Variants in GALK1 observed in about 807,000 individuals in gnomAD.
GALK1 encodes the protein galactokinase.
Under a neutral mutation model 38.6 loss-of-function variants are expected in GALK1, and 30 were observed. That is an observed-to-expected ratio of 0.78 (90% CI 0.58 to 1.05). The LOEUF (loss-of-function observed/expected upper bound fraction) is 1.05. Among genes scored for constraint, GALK1 ranks in the 50% least tolerant of loss-of-function variants. The probability of loss-of-function intolerance (pLI) is 0.00; values close to 1 mark genes in which losing one functional copy is unlikely to be tolerated. For synonymous variants in GALK1, 240 were observed against 233.6 expected (o/e 1.03, Z -0.25); for missense variants, 512 against 540.5 (o/e 0.95, Z 0.52).
At chr17:75,764,746 C>T (rs1276196120) in intron 1 of GALK1, 1 of 628,200 alleles carries the variant, frequency 1.6e-6, no homozygotes, top group Non-Finnish European at 2.8e-6. Flanking sequence ...CGGGCTTGAG[C>T]CAAGAGGCGG....
At chr17:75,753,886 C>G (rs1376446657), downstream of GALK1, 2 of 1,316,430 alleles carry the variant, frequency 1.5e-6, no homozygotes, top group South Asian at 2.3e-5. Context: ...CCTCCGACGC[C>G]GAGGCGCCCC....
At position 75,764,043 on chromosome 17, in the gene GALK1, T is replaced by C; in HGVS notation, c.209A>G (p.Asp70Gly). 6.3e-7 allele frequency: 1 copy of C among 1,599,942 alleles called. No homozygotes were observed. Among genetic ancestry groups the C allele is most frequent in the Non-Finnish European group, 8.5e-7 (1 of 1,175,042 alleles). The stretch of plus-strand genomic sequence containing the variant: ...GGTGGTGAGGAGAGACACCAGCCCA[T>C]CCTTGCGGGGGCTGCCCACCAGCAC... ...MTVLVGSPRK[D>G]GLVSLLTTSE... is the part of the protein sequence containing the mutation. Residue 70 changes from aspartate to glycine, a missense_variant, in exon 2 of 8, where the codon GAT becomes GGT. By Grantham distance (94) the Asp-to-Gly change is moderately conservative. Transcript: ENST00000588479.
In GALK1 at chr17:75,765,188, G is replaced by T; in HGVS notation, c.-52C>A. On this transcript the variant is annotated 5_prime_UTR_variant, in exon 1 of 8. Coordinates refer to ENST00000588479, the MANE Select transcript of GALK1 (RefSeq NM_000154.2). Reference sequence around the variant, plus strand: ...TGCTCCGGCACAGCCCCGTCGGCGCGGGATGCTCGGGCGGGGCCCCGCGCG... The same window carrying T: ...TGCTCCGGCACAGCCCCGTCGGCGCTGGATGCTCGGGCGGGGCCCCGCGCG... 2.2e-6 allele frequency: 3 copies of T among 1,374,560 alleles called. No homozygotes were observed. The highest frequency in any genetic ancestry group is 2.8e-6 in the Non-Finnish European group (3 of 1,069,604). The allele number at this position is 1,374,560 out of a possible 1,614,324, so 85.1% of individuals were successfully genotyped here.
downstream of GALK1, chr17:75,757,534 C>T (rs1268728912): frequency 2.5e-6 from 4 of 1,613,350 alleles, no homozygotes; most frequent in South Asian, 4.4e-5. Context: ...CCCACATGGA[C>T]CAACAGTTCT....
At chr17:75,754,091 C>T (rs1215522885), downstream of GALK1, 1 of 464,696 alleles carries the variant, frequency 2.2e-6, no homozygotes, top group Non-Finnish European at 3.6e-6. Context: ...AGGCCCGGGC[C>T]TTGGCGGCTG....
chr17:75,754,697 C>T (rs781085072), downstream of GALK1: 34 of 1,614,036 alleles, frequency 2.1e-5, no homozygotes, highest in Middle Eastern at 1.6e-4. Flanking sequence ...TGCCCCACCG[C>T]GTGCTAAGCA....
downstream of GALK1, chr17:75,756,911 C>T (rs1244823946): frequency 1.9e-6 from 3 of 1,612,140 alleles, no homozygotes; most frequent in South Asian, 1.1e-5. Flanking sequence ...AAAGAGGGGG[C>T]CGCAGACGCT....
chr17:75,753,842 C>G, downstream of GALK1: 1 of 1,433,100 alleles, frequency 7.0e-7, no homozygotes. Context: ...GCCCCCGGAG[C>G]TCATCCCGCG....
chr17:75,758,480 G>T lies in GALK1; in HGVS notation c.913C>A (p.Arg305Ser). The change falls in exon 6 of 8, where the codon CGC becomes AGC. Residue 305 changes from arginine (R) to serine (S), a missense_variant. Coordinates refer to ENST00000588479, the MANE Select transcript of GALK1 (RefSeq NM_000154.2). ...LRRGDYRAFG[R>S]LMVESHRSLR... ...GAGCGGTGGCTCTCCACCATGAGGC[G>T]GCCAAAGGCTCTGTAGTCGCCACGT... The T allele has an allele frequency of 6.3e-7, 1 of 1,576,694 alleles. No individual in the cohort carries two copies. The highest frequency in any genetic ancestry group is 8.6e-7 in the Non-Finnish European group (1 of 1,163,510).
At chr17:75,753,086 C>G (rs2143433286), downstream of GALK1, among the ~76,000 whole-genome samples, 1 of 152,378 alleles carries the variant, frequency 6.6e-6, no homozygotes, top group East Asian at 1.9e-4. Flanking sequence ...AGATGAATCA[C>G]TCATCCTTTC....
In GALK1 at chr17:75,752,229, G is replaced by C. The variant is rs368037184; in HGVS notation, c.*23-492C>G. ...TTGACAACCCTAAGAACCGGATGCTGCTTATTGAGAACCTTCGGGAGTCCC... is the reference window on the plus strand; with the variant it reads ...TTGACAACCCTAAGAACCGGATGCTCCTTATTGAGAACCTTCGGGAGTCCC... On this transcript the variant is annotated intron_variant, in intron 8 of 8. Transcript: ENST00000225614. 2 of 1,613,910 alleles carry C rather than the reference G, an allele frequency of 1.2e-6. No individual in the cohort carries two copies. The highest frequency in any genetic ancestry group is 1.3e-5 in the African/African-American group (1 of 75,066).
rs1461527832 is a variant in GALK1, at chr17:75,763,892, C to A, written c.355+5G>T. 1 of 1,613,502 alleles carries A rather than the reference C, an allele frequency of 6.2e-7. No individual in the cohort carries two copies. The highest frequency in any genetic ancestry group is 8.5e-7 in the Non-Finnish European group (1 of 1,179,890). On this transcript the variant is annotated splice_donor_5th_base_variant and intron_variant, in intron 2 of 7. Coordinates refer to ENST00000588479, the MANE Select transcript of GALK1 (RefSeq NM_000154.2). Reference sequence around the variant, plus strand: ...GAGGACTTGGCTCAGGCCTGGGCCCCATACCTGGGTAGTACTGAATCACTC... The same window carrying A: ...GAGGACTTGGCTCAGGCCTGGGCCCAATACCTGGGTAGTACTGAATCACTC...
At chr17:75,763,785 C>T in intron 2 of GALK1, 112 bp downstream of exon 2, 1 of 1,076,220 alleles carries the variant, frequency 9.3e-7, no homozygotes, top group Non-Finnish European at 1.4e-6. Flanking sequence ...CAATGGGATG[C>T]TCCACTCTAC....
Position 75,765,056 on chromosome 17 carries a change from C to A in GALK1, c.81G>T (p.Glu27Asp). Residue 27 changes from glutamate to aspartate, a missense_variant, in exon 1 of 8, where the codon GAG becomes GAT. Coordinates refer to ENST00000588479, the MANE Select transcript of GALK1 (RefSeq NM_000154.2). ...CCGGCGCTGACACGGCCAGCTCGGG[C>A]TCGGCCCCGAACTCCTCCCGGAAGG... The part of the protein sequence containing the change: ...RRAFREEFGA[E>D]PELAVSAPGR... 1 of 1,604,578 alleles carries A rather than the reference C, an allele frequency of 6.2e-7. No homozygotes were observed. Among genetic ancestry groups the A allele is most frequent in the East Asian group, 2.2e-5 (1 of 44,508 alleles).
intron 8 of GALK1, chr17:75,752,176 C>T: frequency 6.2e-7 from 1 of 1,613,958 alleles, no homozygotes; most frequent in Non-Finnish European, 8.5e-7. Context: ...TGCCCCAGGA[C>T]CTATTGGGCC....
chr17:75,757,193 A>G (rs748919999), downstream of GALK1: 1 of 1,610,726 alleles, frequency 6.2e-7, no homozygotes, highest in Non-Finnish European at 8.5e-7. Context: ...CTATCTGCCC[A>G]CCCCAGGACC....
In GALK1 at chr17:75,764,057, G is replaced by C. The variant is rs1301639431; in HGVS notation, c.195C>G (p.Gly65=). 1 of 1,592,642 alleles carries C rather than the reference G, an allele frequency of 6.3e-7. No homozygotes were observed. Among genetic ancestry groups the C allele is most frequent in the Non-Finnish European group, 8.5e-7 (1 of 1,171,942 alleles). ...MALELMTVLV[G]SPRKDGLVSL... is the part of the protein sequence containing the mutation. ...ACACCAGCCCATCCTTGCGGGGGCT[G>C]CCCACCAGCACCGTCATGAGCTCCA... The change falls in exon 2 of 8, where the codon GGC becomes GGG. Residue 65 remains glycine (G), a synonymous_variant. Transcript: ENST00000588479.
intron 3 of GALK1, 43 bp from the exon 4 acceptor site, chr17:75,763,192 C>T: frequency 1.9e-6 from 3 of 1,609,946 alleles, no homozygotes; most frequent in Non-Finnish European, 2.5e-6. Context: ...CTGGTGGAAG[C>T]AGCAGTGGCT....
At chr17:75,754,536 G>T (rs370979842), downstream of GALK1, 1 of 1,612,348 alleles carries the variant, frequency 6.2e-7, no homozygotes. Flanking sequence ...GCCCGGGTCT[G>T]GGGCAGGCCT....
Sources: allele counts gnomAD v4.1 joint callset (sites outside exome capture counted in the v4.1 genomes callset), GRCh38; gene constraint gnomAD v4.1.1; transcripts MANE v1.5; gene names NCBI Gene and HGNC (gene_info 2026-07-23, HGNC 2026-07-21).